The following PEX1 variants were observed in gnomAD, a reference collection of about 807,000 sequenced individuals.
The protein encoded by PEX1 is peroxisomal biogenesis factor 1.
PEX1 carries 97 observed loss-of-function variants against 152.5 expected under a neutral mutation model. That is an observed-to-expected ratio of 0.64 (90% CI 0.54 to 0.75). The LOEUF (loss-of-function observed/expected upper bound fraction) is 0.75, where lower values mean the gene tolerates loss of function less well. Among genes scored for constraint, PEX1 ranks in the 30% least tolerant of loss-of-function variants. The pLI, the probability that PEX1 is intolerant of heterozygous loss-of-function variation, is 0.00. For missense variants in PEX1, 1,357 were observed against 1,516.3 expected (o/e 0.89, Z 1.74); for synonymous variants, 485 against 531.6 (o/e 0.91, Z 1.21).
intron 19 of PEX1, 54 bp from the exon 20 acceptor site, chr7:92,493,183 C>G: frequency 1.0e-6 from 1 of 993,380 alleles, no homozygotes. Context: ...AAAATATTAT[C>G]TTAAATTGTG....
At position 92,494,511 on chromosome 7, in the gene PEX1, A is replaced by G. The variant is rs933191144; in HGVS notation, c.2902T>C (p.Leu968=). Residue 968 remains leucine, a synonymous_variant, in exon 18 of 24, where the codon TTG becomes CTG. Transcript: ENST00000248633. ...CCCTGTAAGCCTTCTACTCCATCCA[A>G]CTGAGTCAGCAACTGGTTAACTACT... is the stretch of plus-strand genomic sequence containing the variant. ...DRVVNQLLTQ[L]DGVEGLQGVY... The G allele has an allele frequency of 6.2e-7, 1 of 1,613,864 alleles. No individual in the cohort carries two copies. Among genetic ancestry groups the G allele is most frequent in the Non-Finnish European group, 8.5e-7 (1 of 1,179,806 alleles).
intron 21 of PEX1, chr7:92,490,150 T>C: frequency 1.9e-6 from 1 of 528,730 alleles, no homozygotes; most frequent in Non-Finnish European, 3.4e-6. Flanking sequence ...AGGGTAGGTT[T>C]TTTTAACTTT....
In PEX1 at chr7:92,489,392, A is replaced by T. The variant is rs1195459735; in HGVS notation, c.3668T>A (p.Ile1223Asn). 1 of 1,612,936 alleles carries T rather than the reference A, an allele frequency of 6.2e-7. No individual in the cohort carries two copies. Among genetic ancestry groups the T allele is most frequent in the African/African-American group, 1.3e-5 (1 of 74,864 alleles). The part of the protein sequence containing the change: ...EDESMNQPGP[I>N]KTRLAISQSH... ...CTGACTAATAGCCAGTCTGGTTTTG[A>T]TTGGTCCTGGTTGGTTCATGGATTC... The change falls in exon 23 of 24, where the codon ATC becomes AAC. Residue 1223 changes from isoleucine (I) to asparagine (N), a missense_variant. Coordinates refer to ENST00000248633, the MANE Select transcript of PEX1 (RefSeq NM_000466.3).
rs1240957002 is a variant in PEX1, at chr7:92,519,016, T to A, written c.336A>T (p.Ser112=). 1 of 1,611,838 alleles carries A rather than the reference T, an allele frequency of 6.2e-7. No homozygotes were observed. The highest frequency in any genetic ancestry group is 8.5e-7 in the Non-Finnish European group (1 of 1,177,924). The part of the protein sequence containing the change: ...SCQQVEVEPL[S]ADDWEILELH... ...TTACCAGTATCTCCCAATCATCTGC[T>A]GAGAGGGGTTCCACCTCAACTTGTT... Residue 112 remains serine (S), a synonymous_variant, in exon 3 of 24, where the codon TCA becomes TCT. Transcript: ENST00000248633.
intron 20 of PEX1, among the ~76,000 whole-genome samples, chr7:92,491,919 A>G (rs567692421): frequency 9.2e-5 from 14 of 152,322 alleles, no homozygotes; most frequent in Admixed American, 3.3e-4. Context: ...ATGGCTTGCC[A>G]AAATAGCAAA....
intron 21 of PEX1, 111 bp from the exon 22 acceptor site, chr7:92,490,022 G>A: frequency 1.2e-6 from 1 of 856,568 alleles, no homozygotes. Context: ...CATTAACATA[G>A]ATAAGTATAC....
At chr7:92,509,460 G>T (rs770051619) in intron 8 of PEX1, 49 bp from the exon 9 acceptor site, 2 of 1,378,080 alleles carry the variant, frequency 1.5e-6, no homozygotes, top group Non-Finnish European at 2.1e-6. Flanking sequence ...TATGTCTTTT[G>T]CATGTTTTTC....
rs750193457 is a variant in PEX1 at position 92,494,607 on chromosome 7, T to G, written c.2806A>C (p.Ile936Leu). Reference sequence around the variant, plus strand: ...GATTCAAATTCATCAAAGAAAAGAATGCAGGGCTTTGCAGCCTGTGCTCTG... The same window carrying G: ...GATTCAAATTCATCAAAGAAAAGAAGGCAGGGCTTTGCAGCCTGTGCTCTG... Reference protein sequence around the residue: ...FIRAQAAKPCILFFDEFESIA... With the variant: ...FIRAQAAKPCLLFFDEFESIA... Residue 936 changes from isoleucine to leucine, a missense_variant, in exon 18 of 24, where the codon ATT becomes CTT. By Grantham distance (5) the Ile-to-Leu change is conservative. Transcript: ENST00000248633. The G allele has an allele frequency of 1.2e-6, 2 of 1,614,042 alleles. No individual in the cohort carries two copies. Among genetic ancestry groups the G allele is most frequent in the Non-Finnish European group, 8.5e-7 (1 of 1,179,910 alleles).
intron 2 of PEX1, among the ~76,000 whole-genome samples, chr7:92,519,841 A>G (rs1264458056): frequency 6.6e-6 from 1 of 152,162 alleles, no homozygotes; most frequent in Middle Eastern, 3.2e-3. Flanking sequence ...TTCCCCTTCC[A>G]TAGGCATTTC....
rs1792462582 is a variant in PEX1, at chr7:92,511,460, A to G, written c.1483+120T>C. On this transcript the variant is annotated intron_variant, in intron 7 of 23. Coordinates refer to ENST00000248633, the MANE Select transcript of PEX1 (RefSeq NM_000466.3). Reference sequence around the variant, plus strand: ...TTCAATACATAAAAACTACTGTTTAATTATCATAATTATATTTCACTATTC... The same window carrying G: ...TTCAATACATAAAAACTACTGTTTAGTTATCATAATTATATTTCACTATTC... 4.8e-6 allele frequency: 4 copies of G among 827,708 alleles called. No individual in the cohort carries two copies. In the East Asian group the frequency reaches 1.1e-4, roughly 22 times the overall value. The allele number at this position is 827,708 out of a possible 1,614,324, so 51.3% of individuals were successfully genotyped here.
chr7:92,528,067 T>C (rs1232505735), intron 1 of PEX1, among the ~76,000 whole-genome samples: 1 of 152,366 alleles, frequency 6.6e-6, no homozygotes, highest in South Asian at 2.1e-4. Flanking sequence ...GGTAGAATAT[T>C]AGGACGTTTC....
chr7:92,528,440 C>T lies in PEX1; in HGVS notation c.-5G>A, dbSNP rs1296189764. 1.3e-6 allele frequency: 2 copies of T among 1,582,012 alleles called. No individual in the cohort carries two copies. The highest frequency in any genetic ancestry group is 1.3e-5 in the African/African-American group (1 of 74,246). ...CAGGCGATCGCTGCCCCACATCGTCCCGGAGCGTCGCTCTGGGTTCGCCCA... is the reference window on the plus strand; with the variant it reads ...CAGGCGATCGCTGCCCCACATCGTCTCGGAGCGTCGCTCTGGGTTCGCCCA... On this transcript the variant is annotated 5_prime_UTR_variant, in exon 1 of 24. Coordinates refer to ENST00000248633, the MANE Select transcript of PEX1 (RefSeq NM_000466.3).
rs771869127 is a variant in PEX1 at position 92,506,263 on chromosome 7, A to G, written c.1885T>C (p.Cys629Arg). 1.9e-6 allele frequency: 3 copies of G among 1,594,232 alleles called. No individual in the cohort carries two copies. The highest frequency in any genetic ancestry group is 2.6e-6 in the Non-Finnish European group (3 of 1,162,020). The change falls in exon 11 of 24, where the codon TGT becomes CGT. Residue 629 changes from cysteine to arginine, a missense_variant. Transcript: ENST00000248633. Reference protein sequence around the residue: ...KLDAHVERVDCKALRGKRLEN... With the variant: ...KLDAHVERVDRKALRGKRLEN... ...ATACTCATACCTCGTAAAGCTTTAC[A>G]GTCAACTCTCTCCACATGGGCATCC...
Position 92,528,343 on chromosome 7 carries a change from C to T in PEX1, c.93G>A (p.Leu31=). 6.4e-7 allele frequency: 1 copy of T among 1,573,676 alleles called. No homozygotes were observed. Among genetic ancestry groups the T allele is most frequent in the Non-Finnish European group, 8.6e-7 (1 of 1,161,628 alleles). ...FTNARDCFLH[L]PRRLVAQLHL... is the part of the protein sequence containing the mutation. ...GCAGCTGGGCCACGAGACGCCGCGGCAGGTGGAGGAAGCAGTCGCGAGCGT... is the reference window on the plus strand; with the variant it reads ...GCAGCTGGGCCACGAGACGCCGCGGTAGGTGGAGGAAGCAGTCGCGAGCGT... Residue 31 remains leucine (L), a synonymous_variant, in exon 1 of 24, where the codon CTG becomes CTA. Transcript: ENST00000248633.
chr7:92,489,278 G>A lies in PEX1; in HGVS notation c.3767+15C>T. 1 of 1,610,340 alleles carries A rather than the reference G, an allele frequency of 6.2e-7. No homozygotes were observed. On this transcript the variant is annotated intron_variant, in intron 23 of 23. Coordinates refer to ENST00000248633, the MANE Select transcript of PEX1 (RefSeq NM_000466.3). The stretch of plus-strand genomic sequence containing the variant: ...TAATAGTAGCTGTACTTCCAAAACA[G>A]AATCTGTTACTTACAGCTCAGCAAA...
At position 92,517,254 on chromosome 7, in the gene PEX1, A is replaced by C. The variant is rs753248553; in HGVS notation, c.1239+22T>G. 18 of 1,586,156 alleles carry C rather than the reference A, an allele frequency of 1.1e-5. No individual in the cohort carries two copies. The African/African-American group carries it at 1.2e-4, about 11-fold the overall frequency. On this transcript the variant is annotated intron_variant, in intron 5 of 23. Coordinates refer to ENST00000248633, the MANE Select transcript of PEX1 (RefSeq NM_000466.3). Reference sequence around the variant, plus strand: ...GTTTAAGCCACATAAAATTTCTCCCAAGTTATAAAATTTATACTAACCCAG... The same window carrying C: ...GTTTAAGCCACATAAAATTTCTCCCCAGTTATAAAATTTATACTAACCCAG...
At chr7:92,497,441 G>A (rs1473425441) in intron 16 of PEX1, among the ~76,000 whole-genome samples, 1 of 149,192 alleles carries the variant, frequency 6.7e-6, no homozygotes, top group Non-Finnish European at 1.5e-5. Flanking sequence ...TTTAGAACAT[G>A]TGGGAAAAGG....
At position 92,492,999 on chromosome 7, in the gene PEX1, G is replaced by A. The variant is rs886062503; in HGVS notation, c.3161C>T (p.Ala1054Val). 1 of 1,613,766 alleles carries A rather than the reference G, an allele frequency of 6.2e-7. No homozygotes were observed. The highest frequency in any genetic ancestry group is 8.5e-7 in the Non-Finnish European group (1 of 1,179,746). ...CATTCCATGTAAGGCCTCCAATTGG[G>A]CATTGTAAAGTAAAGCTTTCAGATC... The part of the protein sequence containing the change: ...GADLKALLYN[A>V]QLEALHGMLL... The change falls in exon 20 of 24, where the codon GCC becomes GTC. Residue 1054 changes from alanine to valine, a missense_variant. By Grantham distance (64) the Ala-to-Val change is moderately conservative (BLOSUM62 0). Transcript: ENST00000248633.
intron 15 of PEX1, 30 bp downstream of exon 15, chr7:92,501,477 A>C: frequency 1.3e-6 from 2 of 1,579,294 alleles, no homozygotes; most frequent in Non-Finnish European, 1.7e-6. Context: ...TCTGGGAGTA[A>C]GTATTCACTT....
Sources: allele counts gnomAD v4.1 joint callset (sites outside exome capture counted in the v4.1 genomes callset), GRCh38; gene constraint gnomAD v4.1.1; transcripts MANE v1.5; gene names NCBI Gene and HGNC (gene_info 2026-07-23, HGNC 2026-07-21).